Variants in EXT2 observed in about 807,000 individuals in gnomAD.
EXT2 encodes the protein exostosin glycosyltransferase 2, also known as exostosin-2.
Under a neutral mutation model 81.6 loss-of-function variants are expected in EXT2, and 53 were observed. That is an observed-to-expected ratio of 0.65 (90% CI 0.52 to 0.82). EXT2 has a LOEUF of 0.82. Ranked by LOEUF, EXT2 falls within the 40% of genes least tolerant of loss-of-function variation. The pLI is 0.00. For synonymous variants in EXT2, 320 were observed against 340.0 expected, an observed-to-expected ratio of 0.94 and a Z score of 0.65; for missense variants, 774 against 910.2, an observed-to-expected ratio of 0.85 and a Z score of 1.93.
chr11:44,171,472 G>A (rs1590618516), intron 7 of EXT2, 139 bp from the exon 8 acceptor site: 3 of 1,221,444 alleles, frequency 2.5e-6, no homozygotes, highest in East Asian at 2.3e-5. Context: ...ACAGCAGGGA[G>A]CATATGCCCT....
At chr11:44,232,963 ATTAC>A (rs1217038506) in intron 11 of EXT2, among the ~76,000 whole-genome samples, 2 of 152,160 alleles carry the variant, frequency 1.3e-5, no homozygotes, top group Non-Finnish European at 2.9e-5. Flanking sequence ...TATCGTGGAT[ATTAC>A]TTTCTAAATT....
intron 7 of EXT2, among the ~76,000 whole-genome samples, chr11:44,159,675 G>A (rs1408832282): frequency 5.9e-5 from 9 of 152,282 alleles, no homozygotes; most frequent in East Asian, 1.9e-4. Context: ...TTCAAACTGT[G>A]TTTTTGCTTT....
rs199701834 is a variant in EXT2, at chr11:44,149,505, T to C, written c.1173+19367T>C. Among the ~76,000 whole-genome samples the C allele has an allele frequency of 5.1e-4, 77 of 152,372 alleles. 1 individual carries two copies. The East Asian group carries it at 0.013, about 25-fold the overall frequency. ...ATCAACCATGTAATCCAATGCCATATAAGCTTGTAAAGAGCTTGTAAATAC... is the reference window on the plus strand; with the variant it reads ...ATCAACCATGTAATCCAATGCCATACAAGCTTGTAAAGAGCTTGTAAATAC... On this transcript the variant is annotated intron_variant, in intron 7 of 13. Coordinates refer to ENST00000533608, the MANE Select transcript of EXT2 (RefSeq NM_207122.2).
At chr11:44,214,596 G>C (rs1955694644) in intron 10 of EXT2, among the ~76,000 whole-genome samples, 1 of 151,986 alleles carries the variant, frequency 6.6e-6, no homozygotes, top group Admixed American at 6.6e-5. Context: ...AAAATGTATT[G>C]GTATAAAGTC....
In EXT2 at chr11:44,107,627, G is replaced by A. The variant is rs979404146; in HGVS notation, c.-30-56G>A. 7 of 1,500,882 alleles carry A rather than the reference G, an allele frequency of 4.7e-6. No homozygotes were observed. The African/African-American group carries it at 8.4e-5, about 18-fold the overall frequency. 93.0% of individuals were successfully genotyped at this position (1,500,882 alleles called of 1,614,324 possible). On this transcript the variant is annotated intron_variant, in intron 1 of 13. Transcript: ENST00000533608. ...AAAAAAGGTTGAATAGTCTTTTCAAGTGTCATTTGCCATCCTAAATACTTG... is the reference window on the plus strand; with the variant it reads ...AAAAAAGGTTGAATAGTCTTTTCAAATGTCATTTGCCATCCTAAATACTTG...
intron 3 of EXT2, among the ~76,000 whole-genome samples, chr11:44,113,486 T>C (rs1268205189): frequency 6.6e-6 from 1 of 152,178 alleles, no homozygotes; most frequent in East Asian, 1.9e-4. Flanking sequence ...GTGGTCACTG[T>C]TTTCTAATTA....
At chr11:44,234,962 A>T (rs539580340) in intron 12 of EXT2, among the ~76,000 whole-genome samples, 1 of 152,162 alleles carries the variant, frequency 6.6e-6, no homozygotes, top group African/African-American at 2.4e-5. Context: ...TAGAAAGCCA[A>T]ATTCCTAGGT....
intron 10 of EXT2, among the ~76,000 whole-genome samples, chr11:44,207,320 T>C (rs1165194601): frequency 2.0e-5 from 3 of 152,222 alleles, no homozygotes; most frequent in African/African-American, 7.2e-5. Flanking sequence ...AAAACATCAA[T>C]AAGTGAAGAA....
At chr11:44,122,756 G>A (rs1380338183) in intron 4 of EXT2, among the ~76,000 whole-genome samples, 2 of 152,132 alleles carry the variant, frequency 1.3e-5, no homozygotes, top group Non-Finnish European at 2.9e-5. Context: ...ACCTTGTGGC[G>A]TAGCTCCATT....
intron 10 of EXT2, among the ~76,000 whole-genome samples, chr11:44,225,472 T>C (rs1244553414): frequency 6.6e-6 from 1 of 151,572 alleles, no homozygotes; most frequent in Non-Finnish European, 1.5e-5. Flanking sequence ...GAGCAAAGGG[T>C]TTTTTCGTGT....
chr11:44,134,671 AG>A (rs1341591235), intron 7 of EXT2, among the ~76,000 whole-genome samples: 6 of 152,234 alleles, frequency 3.9e-5, no homozygotes, highest in Non-Finnish European at 8.8e-5. Context: ...GATAGACACT[AG>A]ACTGTATCGT....
intron 1 of EXT2, among the ~76,000 whole-genome samples, chr11:44,102,400 G>A (rs1953997130): frequency 6.6e-6 from 1 of 151,992 alleles, no homozygotes; most frequent in Non-Finnish European, 1.5e-5. Context: ...GCCCACTGCA[G>A]TAACCAGCCT....
chr11:44,164,379 T>C (rs1954965317), intron 7 of EXT2, among the ~76,000 whole-genome samples: 1 of 152,180 alleles, frequency 6.6e-6, no homozygotes, highest in African/African-American at 2.4e-5. Context: ...CAGTGGGCTG[T>C]TTTCTCTTAT....
chr11:44,145,745 C>T (rs1352284458), intron 7 of EXT2, among the ~76,000 whole-genome samples: 1 of 152,166 alleles, frequency 6.6e-6, no homozygotes, highest in Non-Finnish European at 1.5e-5. Context: ...TGACTAAAAA[C>T]TATGAACTTT....
chr11:44,125,038 G>A (rs1954380630), intron 5 of EXT2, 54 bp downstream of exon 5: 1 of 1,577,280 alleles, frequency 6.3e-7, no homozygotes, highest in East Asian at 2.2e-5. Context: ...GCTTACATGG[G>A]TTAAAATTGA....
In EXT2 at chr11:44,179,483, C is replaced by T. The variant is rs759460377; in HGVS notation, c.1305+7741C>T. 3.9e-5 allele frequency among the ~76,000 whole-genome samples: 6 copies of T among 152,242 alleles called. No homozygotes were observed. In the East Asian group the frequency reaches 9.6e-4, roughly 24 times the overall value. On this transcript the variant is annotated intron_variant, in intron 8 of 13. Coordinates refer to ENST00000533608, the MANE Select transcript of EXT2 (RefSeq NM_207122.2). ...GTGAGTAGAATAGTTTTTCAGAGTC[C>T]GTGGGAGCTTGATCTGGCAGCAGAT...
intron 10 of EXT2, among the ~76,000 whole-genome samples, chr11:44,215,594 G>A (rs999192353): frequency 6.6e-6 from 1 of 152,178 alleles, no homozygotes. Flanking sequence ...TACTAGGCCA[G>A]TTAGGTAAGT....
At chr11:44,141,019 T>C (rs1388397357) in intron 7 of EXT2, among the ~76,000 whole-genome samples, 1 of 152,190 alleles carries the variant, frequency 6.6e-6, no homozygotes, top group Non-Finnish European at 1.5e-5. Context: ...TTCATTTTAT[T>C]ACTCGTGTAG....
chr11:44,221,467 T>C (rs923306242), intron 10 of EXT2, among the ~76,000 whole-genome samples: 1 of 152,222 alleles, frequency 6.6e-6, no homozygotes, highest in African/African-American at 2.4e-5. Flanking sequence ...TGCAATGATA[T>C]TCCAACCCTG....
Sources: gnomAD v4.1 joint callset for allele counts (sites outside exome capture counted in the v4.1 genomes callset) on GRCh38, gnomAD v4.1.1 for gene constraint, MANE v1.5 for transcripts, NCBI Gene and HGNC (gene_info 2026-07-23, HGNC 2026-07-21) for gene names.